Variants in SNX4 observed in about 807,000 individuals in gnomAD.
SNX4 encodes sorting nexin 4.
A neutral mutation model predicts 70.8 loss-of-function variants in SNX4; 49 were observed. That is an observed-to-expected ratio of 0.69 (90% CI 0.55 to 0.88). The LOEUF is 0.88. Ranked by LOEUF, SNX4 falls within the 40% of genes least tolerant of loss-of-function variation. SNX4 has a pLI of 0.00. For missense variants in SNX4, 528 were observed against 544.8 expected, an observed-to-expected ratio of 0.97 and a Z score of 0.31; for synonymous variants, 206 against 183.8, an observed-to-expected ratio of 1.12 and a Z score of -0.98.
chr3:125,460,685 C>A, intron 10 of SNX4, 86 bp downstream of exon 10: 1 of 553,262 alleles, frequency 1.8e-6, no homozygotes, highest in African/African-American at 1.9e-5. Context: ...ATTTAAAAAA[C>A]ACTCTACTAT....
intron 10 of SNX4, 21 bp downstream of exon 10, chr3:125,460,749 CT>C: frequency 7.9e-7 from 1 of 1,267,808 alleles, no homozygotes; most frequent in Admixed American, 2.1e-5. Context: ...GTGGCTGCAC[CT>C]GGAACTTTTA....
intron 5 of SNX4, among the ~76,000 whole-genome samples, 194 bp from the exon 6 acceptor site, chr3:125,489,657 T>C (rs776338458): frequency 1.3e-5 from 2 of 152,296 alleles, no homozygotes; most frequent in East Asian, 1.9e-4. Flanking sequence ...TACTATAAAA[T>C]AGACTGAATA....
At chr3:125,455,903 G>A (rs1933704096) in intron 11 of SNX4, among the ~76,000 whole-genome samples, 3 of 152,154 alleles carry the variant, frequency 2.0e-5, no homozygotes, top group Admixed American at 6.6e-5. Flanking sequence ...TGTAGTCCCA[G>A]CTATTCAGGA....
intron 7 of SNX4, among the ~76,000 whole-genome samples, chr3:125,478,663 C>T (rs1487818498): frequency 6.6e-6 from 1 of 151,920 alleles, no homozygotes; most frequent in Non-Finnish European, 1.5e-5. Flanking sequence ...AGATACCAAA[C>T]CTCCTTCCTA....
intron 8 of SNX4, among the ~76,000 whole-genome samples, chr3:125,469,817 G>C (rs1007948383): frequency 1.3e-5 from 2 of 150,974 alleles, no homozygotes; most frequent in African/African-American, 4.9e-5. Flanking sequence ...CATTTGTAAA[G>C]CTTTTAAAAA....
intron 8 of SNX4, among the ~76,000 whole-genome samples, chr3:125,475,630 G>T (rs1934273648): frequency 6.6e-6 from 1 of 152,222 alleles, no homozygotes; most frequent in Non-Finnish European, 1.5e-5. Context: ...CTCCCAAAGT[G>T]CTGGGATTAT....
chr3:125,486,732 G>C (rs143192101), intron 6 of SNX4, among the ~76,000 whole-genome samples: 11 of 152,230 alleles, frequency 7.2e-5, no homozygotes, highest in African/African-American at 2.6e-4. Flanking sequence ...AATAAATGGA[G>C]ATAGACCTTG....
intron 11 of SNX4, among the ~76,000 whole-genome samples, chr3:125,456,352 T>C (rs1933714375): frequency 6.6e-6 from 1 of 152,172 alleles, no homozygotes; most frequent in Non-Finnish European, 1.5e-5. Flanking sequence ...GCATGTTTTT[T>C]CACTTGGACT....
intron 5 of SNX4, among the ~76,000 whole-genome samples, chr3:125,493,240 A>G (rs1934701320): frequency 6.6e-6 from 1 of 152,184 alleles, no homozygotes; most frequent in African/African-American, 2.4e-5. Flanking sequence ...CATGCCACCA[A>G]GCCCAGATTG....
chr3:125,481,997 C>A (rs1169116799), intron 6 of SNX4, among the ~76,000 whole-genome samples: 1 of 152,054 alleles, frequency 6.6e-6, no homozygotes, highest in South Asian at 2.1e-4. Flanking sequence ...GCCTCCCAAA[C>A]AGCTGAGACT....
chr3:125,509,492 C>T (rs1935122000), intron 1 of SNX4, among the ~76,000 whole-genome samples: 1 of 152,114 alleles, frequency 6.6e-6, no homozygotes, highest in African/African-American at 2.4e-5. Context: ...TGGCTCACGC[C>T]TGTAATCCTA....
At chr3:125,478,695 A>G (rs188198545) in intron 7 of SNX4, among the ~76,000 whole-genome samples, 2 of 151,964 alleles carry the variant, frequency 1.3e-5, no homozygotes, top group African/African-American at 4.8e-5. Flanking sequence ...TTCATCCTCT[A>G]CTAAGATATT....
At chr3:125,494,019 A>G (rs903547705) in intron 5 of SNX4, among the ~76,000 whole-genome samples, 6 of 148,150 alleles carry the variant, frequency 4.0e-5, no homozygotes, top group Non-Finnish European at 8.9e-5. Context: ...CCGGGGCGAC[A>G]GAGCAAGACT....
chr3:125,478,072 A>T (rs935802314), intron 7 of SNX4, among the ~76,000 whole-genome samples: 5 of 150,360 alleles, frequency 3.3e-5, no homozygotes, highest in African/African-American at 1.2e-4. Context: ...TATTATTATT[A>T]CTATTATTAT....
intron 5 of SNX4, among the ~76,000 whole-genome samples, chr3:125,497,097 A>T (rs960908504): frequency 3.3e-5 from 5 of 151,730 alleles, no homozygotes; most frequent in Admixed American, 1.3e-4. Flanking sequence ...AAAAAAAAAA[A>T]TTCACTGTTA....
chr3:125,478,073 C>CTAT (rs753250044), intron 7 of SNX4, among the ~76,000 whole-genome samples: 7,052 of 136,074 alleles, frequency 0.052, 397 homozygotes, highest in African/African-American at 0.13. Context: ...ATTATTATTA[C>CTAT]TATTATTATT....
intron 7 of SNX4, among the ~76,000 whole-genome samples, chr3:125,479,218 T>C (rs1432615454): frequency 1.3e-5 from 2 of 152,100 alleles, no homozygotes; most frequent in African/African-American, 4.8e-5. Flanking sequence ...TGCTCATCGG[T>C]GGACTCTTAT....
intron 2 of SNX4, among the ~76,000 whole-genome samples, chr3:125,500,799 CAAAAAAAAAAA>C (rs770336677): frequency 3.4e-5 from 1 of 29,298 alleles, no homozygotes; most frequent in Non-Finnish European, 5.9e-5. Context: ...GACTCCGTCT[CAAAAAAAAAAA>C]AAAAAAAAAA....
intron 9 of SNX4, among the ~76,000 whole-genome samples, chr3:125,464,163 C>A: frequency 6.6e-6 from 1 of 152,160 alleles, no homozygotes; most frequent in African/African-American, 2.4e-5. Context: ...ATAATCATTA[C>A]CACCACCCAC....
Sources: gnomAD v4.1 joint callset for allele counts (sites outside exome capture counted in the v4.1 genomes callset) on GRCh38, gnomAD v4.1.1 for gene constraint, MANE v1.5 for transcripts, NCBI Gene and HGNC (gene_info 2026-07-23, HGNC 2026-07-21) for gene names.